ZNF804A: variants seen among roughly 807,000 people sequenced by gnomAD.
The protein encoded by ZNF804A is zinc finger protein 804A.
Under a neutral mutation model 16.5 loss-of-function variants are expected in ZNF804A, and 2 were observed. The ratio of observed to expected loss-of-function variants is 0.12; its 90% CI spans 0.05 to 0.38. The LOEUF (loss-of-function observed/expected upper bound fraction) is 0.38, where lower values mean the gene tolerates loss of function less well. ZNF804A is among the 10% of genes least tolerant of loss of function. The probability of loss-of-function intolerance (pLI) is 0.99; values close to 1 mark genes in which losing one functional copy is unlikely to be tolerated. For synonymous variants in ZNF804A, 534 were observed against 489.6 expected (o/e 1.09, Z -1.20); for missense variants, 1,473 against 1,390.7 (o/e 1.06, Z -0.94).
At chr2:184,732,679 T>G (rs1268718398) in intron 1 of ZNF804A, among the ~76,000 whole-genome samples, 2 of 152,144 alleles carry the variant, frequency 1.3e-5, no homozygotes, top group Non-Finnish European at 2.9e-5. Flanking sequence ...ATATTTCTAT[T>G]TATTTAGTTA....
chr2:184,762,861 G>A (rs1005706449), intron 1 of ZNF804A, among the ~76,000 whole-genome samples: 7 of 152,004 alleles, frequency 4.6e-5, no homozygotes, highest in African/African-American at 1.7e-4. Context: ...ACATTTAAAA[G>A]AGAATAATAT....
intron 1 of ZNF804A, among the ~76,000 whole-genome samples, chr2:184,762,767 A>ATCAATGATGAC (rs1481361201): frequency 1.3e-5 from 2 of 152,116 alleles, no homozygotes; most frequent in Non-Finnish European, 2.9e-5. Context: ...TTTGCTATTT[A>ATCAATGATGAC]TCAATGATGA....
At chr2:184,837,140 A>T (rs1695363101) in intron 1 of ZNF804A, among the ~76,000 whole-genome samples, 2 of 151,750 alleles carry the variant, frequency 1.3e-5, no homozygotes, top group African/African-American at 2.4e-5. Context: ...CGCTTACATT[A>T]CTTATATTAC....
intron 1 of ZNF804A, among the ~76,000 whole-genome samples, chr2:184,678,504 G>C (rs1692477444): frequency 6.6e-6 from 1 of 152,054 alleles, no homozygotes. Flanking sequence ...AAATGTACTT[G>C]AAAGACATAA....
At chr2:184,685,000 C>G (rs1692605043) in intron 1 of ZNF804A, among the ~76,000 whole-genome samples, 1 of 152,120 alleles carries the variant, frequency 6.6e-6, no homozygotes, top group African/African-American at 2.4e-5. Flanking sequence ...TCCGCCCATT[C>G]AGCCCACCAG....
chr2:184,856,226 C>T (rs771482778), intron 1 of ZNF804A, among the ~76,000 whole-genome samples: 3 of 151,938 alleles, frequency 2.0e-5, no homozygotes, highest in Admixed American at 6.6e-5. Flanking sequence ...TTCTAAAACA[C>T]ATATTGTTAA....
intron 1 of ZNF804A, among the ~76,000 whole-genome samples, chr2:184,816,523 T>G (rs189769984): frequency 6.6e-6 from 1 of 152,168 alleles, no homozygotes; most frequent in Admixed American, 6.6e-5. Flanking sequence ...GGGTATTTAT[T>G]TTTACAATTA....
chr2:184,931,023 C>G (rs1685689803), intron 2 of ZNF804A, among the ~76,000 whole-genome samples: 1 of 152,166 alleles, frequency 6.6e-6, no homozygotes, highest in African/African-American at 2.4e-5. Flanking sequence ...TGGTAGCAGG[C>G]AAGAGAGCAT....
intron 1 of ZNF804A, among the ~76,000 whole-genome samples, chr2:184,815,495 A>G (rs935382628): frequency 6.6e-6 from 1 of 151,840 alleles, no homozygotes; most frequent in African/African-American, 2.4e-5. Context: ...TAGTAGTAAA[A>G]TAATATTATA....
intron 1 of ZNF804A, among the ~76,000 whole-genome samples, chr2:184,636,593 G>A (rs991513104): frequency 1.3e-5 from 2 of 150,592 alleles, no homozygotes; most frequent in Admixed American, 1.3e-4. Flanking sequence ...GTGTGTGTCT[G>A]TGTTAGTGTG....
At chr2:184,685,731 C>T (rs1471035003) in intron 1 of ZNF804A, among the ~76,000 whole-genome samples, 1 of 152,150 alleles carries the variant, frequency 6.6e-6, no homozygotes, top group African/African-American at 2.4e-5. Flanking sequence ...TGTTTTCATT[C>T]CAGGCCATGG....
intron 1 of ZNF804A, among the ~76,000 whole-genome samples, chr2:184,602,913 T>C (rs1226012967): frequency 6.6e-6 from 1 of 152,112 alleles, no homozygotes; most frequent in African/African-American, 2.4e-5. Context: ...TAAGAGATGG[T>C]ATTGTGTTAT....
intron 1 of ZNF804A, among the ~76,000 whole-genome samples, chr2:184,670,312 A>C (rs1207423720): frequency 6.6e-6 from 1 of 152,058 alleles, no homozygotes; most frequent in African/African-American, 2.4e-5. Context: ...AGAGTACCCC[A>C]GTTATTATAT....
chr2:184,627,706 G>T (rs1352915764), intron 1 of ZNF804A, among the ~76,000 whole-genome samples: 1 of 152,092 alleles, frequency 6.6e-6, no homozygotes, highest in African/African-American at 2.4e-5. Context: ...TTCAAAATTT[G>T]CCATGATTAT....
intron 1 of ZNF804A, among the ~76,000 whole-genome samples, chr2:184,820,651 C>T (rs1460817280): frequency 2.0e-5 from 3 of 151,720 alleles, no homozygotes; most frequent in Non-Finnish European, 4.4e-5. Context: ...ATGACATGAT[C>T]CTATATATAG....
chr2:184,866,620 T>C (rs1401075579), intron 2 of ZNF804A, 108 bp downstream of exon 2: 5 of 985,528 alleles, frequency 5.1e-6, no homozygotes, highest in Non-Finnish European at 7.0e-6. Flanking sequence ...TTTAATTTGC[T>C]GTACAGTTTT....
At chr2:184,716,629 A>G (rs1226174298) in intron 1 of ZNF804A, among the ~76,000 whole-genome samples, 1 of 152,184 alleles carries the variant, frequency 6.6e-6, no homozygotes, top group Non-Finnish European at 1.5e-5. Flanking sequence ...CATATAATTT[A>G]AACACATAAA....
intron 1 of ZNF804A, among the ~76,000 whole-genome samples, chr2:184,642,932 G>C (rs1359233976): frequency 1.3e-5 from 2 of 152,050 alleles, no homozygotes; most frequent in African/African-American, 4.8e-5. Flanking sequence ...ATATTGAAGA[G>C]AATACGTGTT....
At chr2:184,618,505 A>G (rs896959541) in intron 1 of ZNF804A, among the ~76,000 whole-genome samples, 2 of 152,026 alleles carry the variant, frequency 1.3e-5, no homozygotes, top group African/African-American at 2.4e-5. Context: ...GTGTTAAAAT[A>G]TTTTTCTAAT....
Sources: allele counts gnomAD v4.1 joint callset (sites outside exome capture counted in the v4.1 genomes callset), GRCh38; gene constraint gnomAD v4.1.1; transcripts MANE v1.5; gene names NCBI Gene and HGNC (gene_info 2026-07-23, HGNC 2026-07-21).